Variants in HVCN1 observed in about 807,000 individuals in gnomAD.
The protein encoded by HVCN1 is voltage-gated hydrogen channel 1.
Under a neutral mutation model 29.2 loss-of-function variants are expected in HVCN1, and 14 were observed. The observed-to-expected ratio is 0.48, with a 90% CI of 0.32 to 0.75. The LOEUF is 0.75. HVCN1 is among the 30% of genes least tolerant of loss of function. The pLI is 0.04. For missense variants in HVCN1, 263 were observed against 341.8 expected (o/e 0.77, Z 1.82); for synonymous variants, 131 against 133.2 (o/e 0.98, Z 0.11).
Position 110,688,684 on chromosome 12 carries a change from CCT to C in HVCN1, c.-81_-80del, listed in dbSNP as rs1398921215. ...GTGTGACCCAAGGCAAGGGGCTTGGCCTCTCTGCGTCTTGGTTTCTTCACCTG... is the reference window on the plus strand; with the variant it reads ...GTGTGACCCAAGGCAAGGGGCTTGGCCTCTGCGTCTTGGTTTCTTCACCTG... On this transcript the variant is annotated 5_prime_UTR_variant, in exon 2 of 8. Coordinates refer to ENST00000242607, the MANE Select transcript of HVCN1 (RefSeq NM_032369.4). 1.3e-5 allele frequency: 2 copies of C among 152,476 alleles called. No individual in the cohort carries two copies. The highest frequency in any genetic ancestry group is 2.9e-5 in the Non-Finnish European group (2 of 68,260). 9.4% of individuals were successfully genotyped at this position (152,476 alleles called of 1,614,324 possible).
chr12:110,652,028 G>A (rs755459704), intron 5 of HVCN1, among the ~76,000 whole-genome samples: 6 of 152,340 alleles, frequency 3.9e-5, no homozygotes, highest in Non-Finnish European at 7.3e-5. Flanking sequence ...ATGAATGAAT[G>A]GAGGCAGATC....
intron 3 of HVCN1, among the ~76,000 whole-genome samples, chr12:110,668,166 C>A (rs959771164): frequency 1.3e-5 from 2 of 152,102 alleles, no homozygotes; most frequent in African/African-American, 4.8e-5. Context: ...TGGCTCAGAG[C>A]AGCCCCCAGC....
At chr12:110,659,786 G>A (rs1294508445) in intron 4 of HVCN1, among the ~76,000 whole-genome samples, 2 of 152,170 alleles carry the variant, frequency 1.3e-5, no homozygotes, top group Non-Finnish European at 2.9e-5. Flanking sequence ...GGCGGGACAT[G>A]GCCAGGCATA....
chr12:110,655,851 C>T (rs974143434), intron 4 of HVCN1, among the ~76,000 whole-genome samples: 17 of 152,058 alleles, frequency 1.1e-4, no homozygotes, highest in African/African-American at 3.6e-4. Flanking sequence ...ATAACAGGCA[C>T]GTACCACCAT....
At chr12:110,686,649 A>G (rs1196376229) in intron 2 of HVCN1, among the ~76,000 whole-genome samples, 1 of 152,202 alleles carries the variant, frequency 6.6e-6, no homozygotes, top group Non-Finnish European at 1.5e-5. Flanking sequence ...CAAGCAACAG[A>G]AACTTTAAAA....
chr12:110,667,662 G>A (rs998365911), intron 3 of HVCN1, among the ~76,000 whole-genome samples: 1 of 150,438 alleles, frequency 6.6e-6, no homozygotes, highest in East Asian at 2.0e-4. Context: ...AAACTCCTGG[G>A]CTCAAGTGAT....
chr12:110,678,376 C>T (rs1566055356), intron 3 of HVCN1, among the ~76,000 whole-genome samples: 1 of 150,162 alleles, frequency 6.7e-6, no homozygotes, highest in Non-Finnish European at 1.5e-5. Context: ...TGTGTACACA[C>T]ATTCCATAAC....
rs530201824 is a variant in HVCN1 at position 110,683,276 on chromosome 12, A to G, written c.-19-12T>C. On this transcript the variant is annotated splice_polypyrimidine_tract_variant and intron_variant, in intron 2 of 7. Coordinates refer to ENST00000242607, the MANE Select transcript of HVCN1 (RefSeq NM_032369.4). The stretch of plus-strand genomic sequence containing the variant: ...TGTTGCCTCTGGATCTGAAAAATAA[A>G]AAGACATTTGTCCAGATCTATCATC... 2 of 1,604,268 alleles carry G rather than the reference A, an allele frequency of 1.2e-6. No individual in the cohort carries two copies. Among genetic ancestry groups the G allele is most frequent in the South Asian group, 2.2e-5 (2 of 89,216 alleles).
At chr12:110,654,522 G>A (rs1193935262) in intron 5 of HVCN1, among the ~76,000 whole-genome samples, 1 of 143,768 alleles carries the variant, frequency 7.0e-6, no homozygotes, top group East Asian at 2.0e-4. Flanking sequence ...CTTGTTGCCC[G>A]GGCTGGAGTG....
chr12:110,672,325 C>G (rs980474568), intron 3 of HVCN1, among the ~76,000 whole-genome samples: 6 of 152,142 alleles, frequency 3.9e-5, no homozygotes, highest in African/African-American at 1.4e-4. Flanking sequence ...TTACAAGAGA[C>G]TCCCACGTGC....
intron 2 of HVCN1, among the ~76,000 whole-genome samples, chr12:110,687,736 G>A (rs186016809): frequency 9.9e-5 from 15 of 152,270 alleles, no homozygotes; most frequent in East Asian, 3.9e-4. Flanking sequence ...GGGAAGGGAC[G>A]AGGAGCGGGG....
At chr12:110,651,559 T>G in intron 5 of HVCN1, 111 bp from the exon 6 acceptor site, 1 of 712,396 alleles carries the variant, frequency 1.4e-6, no homozygotes, top group Admixed American at 2.2e-5. Context: ...GGTGGACAAA[T>G]CCAGATGCCC....
upstream of HVCN1, among the ~76,000 whole-genome samples, chr12:110,690,517 T>G (rs1484648826): frequency 6.6e-6 from 1 of 152,148 alleles, no homozygotes; most frequent in Admixed American, 6.5e-5. Flanking sequence ...CTCACTGTCG[T>G]CCAGCCTGGA....
At chr12:110,686,389 C>CA (rs200187907) in intron 2 of HVCN1, among the ~76,000 whole-genome samples, 1,607 of 152,202 alleles carry the variant, frequency 0.011, 35 homozygotes, top group Middle Eastern at 0.037. Flanking sequence ...GCTGAGGGTG[C>CA]AAGGGACTCT....
Position 110,651,441 on chromosome 12 carries a change from T to G in HVCN1, c.419A>C (p.His140Pro). Residue 140 changes from histidine to proline, a missense_variant, in exon 6 of 8, where the codon CAC (histidine) becomes CCC (proline). Transcript: ENST00000242607. The part of the protein sequence containing the change: ...DKNNYAAMVF[H>P]YMSITILVFF... The stretch of plus-strand genomic sequence containing the variant: ...GACCAAGATGGTGATGCTCATGTAG[T>G]GGAATACCTGAAGGGGACAAGGAAC... 6.2e-7 allele frequency: 1 copy of G among 1,609,008 alleles called. No homozygotes were observed.
At position 110,664,892 on chromosome 12, in the gene HVCN1, C is replaced by T. The variant is rs190733108; in HGVS notation, c.22-3444G>A. Among the ~76,000 whole-genome samples the T allele has an allele frequency of 6.1e-3, 929 of 152,196 alleles. 4 individuals carry two copies. Among genetic ancestry groups the T allele is most frequent in the Middle Eastern group, 0.017 (5 of 294 alleles). ...TGGGGTGCTGTGAGCTGAACAACTACCAGAAATTACATAGGACTGGGTTGG... is the reference window on the plus strand; with the variant it reads ...TGGGGTGCTGTGAGCTGAACAACTATCAGAAATTACATAGGACTGGGTTGG... On this transcript the variant is annotated intron_variant, in intron 3 of 7. Coordinates refer to ENST00000242607, the MANE Select transcript of HVCN1 (RefSeq NM_032369.4).
intron 3 of HVCN1, among the ~76,000 whole-genome samples, chr12:110,664,435 T>C (rs2068277605): frequency 6.6e-6 from 1 of 152,230 alleles, no homozygotes; most frequent in Non-Finnish European, 1.5e-5. Flanking sequence ...GAAAATATTA[T>C]ATATTGTTTT....
rs1566053051 is a variant in HVCN1 at position 110,676,268 on chromosome 12, G to A, written c.21+6957C>T. Among the ~76,000 whole-genome samples, 1 of 152,202 alleles carries A rather than the reference G, an allele frequency of 6.6e-6. No homozygotes were observed. Among genetic ancestry groups the A allele is most frequent in the Non-Finnish European group, 1.5e-5 (1 of 68,040 alleles). ...CCTGCCTCACTTGGAGGCTGTCGCA[G>A]CTCCTCTCTGCTCTCTCCTTCCCTG... is the stretch of plus-strand genomic sequence containing the variant. On this transcript the variant is annotated intron_variant, in intron 3 of 7. Coordinates refer to ENST00000242607, the MANE Select transcript of HVCN1 (RefSeq NM_032369.4). This position sits in a 1 kb window ranked among gnomAD's most constrained non-coding sequence, Gnocchi z 4.1.
At position 110,650,334 on chromosome 12, in the gene HVCN1, G is replaced by T; in HGVS notation, c.644-54C>A. The stretch of plus-strand genomic sequence containing the variant: ...ACTGGTTTCTAACTTAACCACTCAG[G>T]AAAAAAATCTGTATTCTTACACCTG... On this transcript the variant is annotated intron_variant, in intron 6 of 7. Transcript: ENST00000242607. The T allele has an allele frequency of 8.1e-6, 9 of 1,108,476 alleles. No individual in the cohort carries two copies. The South Asian group carries it at 1.0e-4, about 12-fold the overall frequency. The allele number at this position is 1,108,476 out of a possible 1,614,324, so 68.7% of individuals were successfully genotyped here.
Sources: allele counts gnomAD v4.1 joint callset (sites outside exome capture counted in the v4.1 genomes callset), GRCh38; gene constraint gnomAD v4.1.1; non-coding constraint Gnocchi (gnomAD v3.1); transcripts MANE v1.5; gene names NCBI Gene and HGNC (gene_info 2026-07-23, HGNC 2026-07-21).